The following ROR2 variants were observed in gnomAD, a reference collection of about 807,000 sequenced individuals.
ROR2 encodes tyrosine-protein kinase transmembrane receptor ROR2.
ROR2 carries 33 observed loss-of-function variants against 74.9 expected under a neutral mutation model. The observed-to-expected ratio is 0.44, with a 90% CI of 0.33 to 0.59. The LOEUF (loss-of-function observed/expected upper bound fraction) is 0.59. Ranked by LOEUF, ROR2 falls within the 20% of genes least tolerant of loss-of-function variation. The pLI, the probability that ROR2 is intolerant of heterozygous loss-of-function variation, is 0.02. For synonymous variants in ROR2, 586 were observed against 558.7 expected (o/e 1.05, Z -0.69); for missense variants, 1,216 against 1,313.8 (o/e 0.93, Z 1.15).
chr9:91,858,228 C>T (rs1034639267), intron 1 of ROR2, among the ~76,000 whole-genome samples: 4 of 152,188 alleles, frequency 2.6e-5, no homozygotes, highest in Non-Finnish European at 4.4e-5. Context: ...GGTGGGGGTG[C>T]GGGTAACTGC....
chr9:91,839,254 G>A (rs1242883704), intron 1 of ROR2, among the ~76,000 whole-genome samples: 1 of 35,750 alleles, frequency 2.8e-5, no homozygotes, highest in Non-Finnish European at 6.0e-5. Flanking sequence ...GATCGGGGGT[G>A]TGTGTGTGTG....
chr9:91,802,035 T>C (rs1375401179), intron 1 of ROR2, among the ~76,000 whole-genome samples: 2 of 149,718 alleles, frequency 1.3e-5, no homozygotes, highest in South Asian at 4.3e-4. Context: ...ACGAAGCCCA[T>C]CATAAACAAA....
chr9:91,930,416 G>T (rs1881391), intron 1 of ROR2, among the ~76,000 whole-genome samples: 1 of 152,084 alleles, frequency 6.6e-6, no homozygotes, highest in Non-Finnish European at 1.5e-5. Context: ...TGTGTGGTCC[G>T]ACTGCAGCCA....
chr9:91,849,146 TGGG>T (rs1223697795), intron 1 of ROR2, among the ~76,000 whole-genome samples: 1 of 152,164 alleles, frequency 6.6e-6, no homozygotes, highest in Non-Finnish European at 1.5e-5. Context: ...AACCTTACCA[TGGG>T]ACCAAACCCT....
chr9:91,948,822 G>C, intron 1 of ROR2: 1 of 985,452 alleles, frequency 1.0e-6, no homozygotes, highest in Non-Finnish European at 1.2e-6. Context: ...TGGCGCTCCT[G>C]GGCCTGAAGG....
At chr9:91,925,517 G>A (rs968436170) in intron 1 of ROR2, among the ~76,000 whole-genome samples, 1 of 150,706 alleles carries the variant, frequency 6.6e-6, no homozygotes, top group African/African-American at 2.4e-5. Flanking sequence ...ATATGCACTT[G>A]TTTTGGTGCC....
intron 5 of ROR2, among the ~76,000 whole-genome samples, chr9:91,736,702 C>T (rs770917905): frequency 6.6e-6 from 1 of 152,132 alleles, no homozygotes; most frequent in African/African-American, 2.4e-5. Context: ...AGAAGGACCC[C>T]GGACCCCATC....
chr9:91,803,545 C>A (rs1385169258), intron 1 of ROR2, among the ~76,000 whole-genome samples: 2 of 152,150 alleles, frequency 1.3e-5, no homozygotes, highest in South Asian at 2.1e-4. Flanking sequence ...TTTTTTAACA[C>A]AATTTTTTAA....
intron 1 of ROR2, among the ~76,000 whole-genome samples, chr9:91,824,778 A>G (rs1277290344): frequency 1.3e-5 from 2 of 152,128 alleles, no homozygotes; most frequent in Non-Finnish European, 2.9e-5. Flanking sequence ...GGGACATGGA[A>G]TCCGTCCCCA....
At chr9:91,939,194 G>A (rs1349083689) in intron 1 of ROR2, among the ~76,000 whole-genome samples, 1 of 151,960 alleles carries the variant, frequency 6.6e-6, no homozygotes, top group East Asian at 1.9e-4. Context: ...AGGTTGCAGT[G>A]AGCCAAGATT....
At chr9:91,904,777 A>G (rs2119441759) in intron 1 of ROR2, among the ~76,000 whole-genome samples, 1 of 152,302 alleles carries the variant, frequency 6.6e-6, no homozygotes, top group African/African-American at 2.4e-5. Flanking sequence ...TGGCCTCAGG[A>G]ACCTCTGGTT....
At chr9:91,752,623 G>C (rs1825627062) in intron 4 of ROR2, among the ~76,000 whole-genome samples, 1 of 152,352 alleles carries the variant, frequency 6.6e-6, no homozygotes, top group South Asian at 2.1e-4. Flanking sequence ...AAGCGTGACA[G>C]AGATTCTGTA....
intron 4 of ROR2, among the ~76,000 whole-genome samples, chr9:91,743,507 G>A (rs1825313384): frequency 6.6e-6 from 1 of 152,088 alleles, no homozygotes; most frequent in Admixed American, 6.6e-5. Context: ...GAAGGTGGAA[G>A]TTGCCATGAG....
chr9:91,881,323 A>G (rs1158794814), intron 1 of ROR2, among the ~76,000 whole-genome samples: 1 of 152,248 alleles, frequency 6.6e-6, no homozygotes, highest in Admixed American at 6.5e-5. Context: ...GTATGATCAC[A>G]AATGTGTTAA....
chr9:91,804,032 C>G (rs1564286830), intron 1 of ROR2, among the ~76,000 whole-genome samples: 1 of 152,154 alleles, frequency 6.6e-6, no homozygotes, highest in Non-Finnish European at 1.5e-5. Context: ...CTAAAATCAC[C>G]AGAAACACAC....
At chr9:91,941,735 A>T (rs752076961) in intron 1 of ROR2, among the ~76,000 whole-genome samples, 3 of 151,958 alleles carry the variant, frequency 2.0e-5, no homozygotes, top group South Asian at 2.1e-4. Flanking sequence ...GGTGTACTGT[A>T]TTGTACTGTC....
At chr9:91,798,773 G>A (rs1368292358) in intron 1 of ROR2, among the ~76,000 whole-genome samples, 1 of 152,050 alleles carries the variant, frequency 6.6e-6, no homozygotes, top group East Asian at 1.9e-4. Context: ...CCAGCTCTGT[G>A]CTCTACTTTT....
Position 91,735,917 on chromosome 9 carries a change from CTTT to C in ROR2, c.622+1471_622+1473del, listed in dbSNP as rs372421759. On this transcript the variant is annotated intron_variant, in intron 5 of 8. Transcript: ENST00000375708. ...AGGCGTGAGCCACCGTGCCCGGCCA[CTTT>C]TTTATTTAATGAAATAAAACTGAAA... Among the ~76,000 whole-genome samples, 299 of 152,082 alleles carry C rather than the reference CTTT, an allele frequency of 2.0e-3. 1 individual carries two copies. Among genetic ancestry groups the C allele is most frequent in the African/African-American group, 6.8e-3 (283 of 41,468 alleles).
chr9:91,807,133 AT>A (rs759802546), intron 1 of ROR2, among the ~76,000 whole-genome samples: 9 of 152,206 alleles, frequency 5.9e-5, no homozygotes, highest in Non-Finnish European at 1.0e-4. Flanking sequence ...GCCAGGAAGA[AT>A]TTGAACAGAC....
Sources: gnomAD v4.1 joint callset for allele counts (sites outside exome capture counted in the v4.1 genomes callset) on GRCh38, gnomAD v4.1.1 for gene constraint, MANE v1.5 for transcripts, NCBI Gene and HGNC (gene_info 2026-07-23, HGNC 2026-07-21) for gene names.